NUP98: variants seen among roughly 807,000 people sequenced by gnomAD.
The protein encoded by NUP98 is nucleoporin 98 and 96 precursor.
NUP98 carries 26 observed loss-of-function variants against 191.9 expected under a neutral mutation model. The observed-to-expected ratio is 0.14, with a 90% confidence interval of 0.10 to 0.19. NUP98 has a LOEUF of 0.19. Among genes scored for constraint, NUP98 ranks in the 10% least tolerant of loss-of-function variants. The pLI is 1.00. For missense variants in NUP98, 1,941 were observed against 2,178.8 expected (o/e 0.89, Z 2.17); for synonymous variants, 808 against 778.4 (o/e 1.04, Z -0.63).
rs1323834267 is a variant in NUP98, at chr11:3,676,267, G to C, written c.5295C>G (p.Leu1765=). The C allele has an allele frequency of 6.2e-7, 1 of 1,614,200 alleles. No individual in the cohort carries two copies. Among genetic ancestry groups the C allele is most frequent in the East Asian group, 2.2e-5 (1 of 44,874 alleles). The change falls in exon 33 of 33, where the codon CTC becomes CTG. Residue 1765 remains leucine (L), a synonymous_variant. Coordinates refer to ENST00000324932, the MANE Select transcript of NUP98 (RefSeq NM_016320.5). ...GAAGCCGGCCAATGTGGGGAGCCAA[G>C]AGGCGCAAAGGGACTCGCTGAGGGT... The part of the protein sequence containing the change: ...TPDPQRVPLR[L]LAPHIGRLPM...
rs761139030 is a variant in NUP98, at chr11:3,766,548, G to A, written c.948+2033C>T. ...CTACTAAAAATACAAAATTAGCTGG[G>A]TATGGTGGTGCATGCCTGCAATCCC... On this transcript the variant is annotated intron_variant, in intron 8 of 32. Coordinates refer to ENST00000324932, the MANE Select transcript of NUP98 (RefSeq NM_016320.5). 1.9e-3 allele frequency among the ~76,000 whole-genome samples: 292 copies of A among 151,964 alleles called. 2 individuals carry two copies. The highest frequency in any genetic ancestry group is 0.01 in the Middle Eastern group (3 of 292).
chr11:3,681,612 T>A (rs966603451), intron 30 of NUP98, among the ~76,000 whole-genome samples: 4 of 122,258 alleles, frequency 3.3e-5, no homozygotes, highest in African/African-American at 7.8e-5. Context: ...TTGAAAGAAA[T>A]TTTTTTTTTT....
At position 3,720,708 on chromosome 11, in the gene NUP98, T is replaced by C; in HGVS notation, c.2260+4A>G. 6.6e-7 allele frequency: 1 copy of C among 1,508,716 alleles called. No individual in the cohort carries two copies. Among genetic ancestry groups the C allele is most frequent in the South Asian group, 1.2e-5 (1 of 86,442 alleles). 93.5% of individuals were successfully genotyped at this position (1,508,716 alleles called of 1,614,324 possible). ...TAATCACTAAGTGCTAAACTCACAC[T>C]TACCTTTCCGACCAATAGTGAAATC... On this transcript the variant is annotated splice_donor_region_variant and intron_variant, in intron 17 of 32. Transcript: ENST00000324932.
At chr11:3,732,714 C>T (rs1274385767) in intron 13 of NUP98, among the ~76,000 whole-genome samples, 1 of 152,224 alleles carries the variant, frequency 6.6e-6, no homozygotes, top group Non-Finnish European at 1.5e-5. Flanking sequence ...GGCACCTCTA[C>T]AACATCCTGA....
intron 10 of NUP98, among the ~76,000 whole-genome samples, chr11:3,753,944 CAAAT>C (rs200283473): frequency 0.013 from 1,972 of 150,182 alleles, 12 homozygotes; most frequent in Middle Eastern, 0.024. Context: ...GTCTCGAAAA[CAAAT>C]AAAAATAAAT....
At chr11:3,701,453 G>C (rs1336938714) in intron 23 of NUP98, among the ~76,000 whole-genome samples, 8 of 151,636 alleles carry the variant, frequency 5.3e-5, no homozygotes, top group Non-Finnish European at 1.0e-4. Context: ...GTAGAGACAG[G>C]GTTTTACCAT....
At chr11:3,705,378 A>C (rs1359589073) in intron 21 of NUP98, 22 bp from the exon 22 acceptor site, 1 of 1,609,898 alleles carries the variant, frequency 6.2e-7, no homozygotes, top group Non-Finnish European at 8.5e-7. Flanking sequence ...ATATCTATAG[A>C]ATGAATGTGC....
intron 28 of NUP98, among the ~76,000 whole-genome samples, chr11:3,688,412 T>A (rs1170347885): frequency 1.3e-5 from 2 of 148,554 alleles, no homozygotes; most frequent in African/African-American, 2.5e-5. Flanking sequence ...TCTCAAAAAA[T>A]AATAATAATA....
chr11:3,770,101 T>G (rs1413481165), intron 7 of NUP98, among the ~76,000 whole-genome samples: 5 of 150,414 alleles, frequency 3.3e-5, no homozygotes, highest in African/African-American at 1.2e-4. Flanking sequence ...TCCCAGCGCT[T>G]TGGGAGGCCG....
chr11:3,702,584 C>A lies in NUP98; in HGVS notation c.3391G>T (p.Gly1131Cys). Residue 1131 changes from glycine (G) to cysteine (C), a missense_variant, in exon 23 of 33, where the codon GGC (glycine) becomes TGC (cysteine). Physicochemically the swap from Gly to Cys is radical, Grantham distance 159 (BLOSUM62 -3). This residue lies in a region of NUP98 where 1,030 missense variants were observed against 1,115.8 expected (regional missense o/e 0.92). Transcript: ENST00000324932. ...FMGRSFRVGW[G>C]PNWTLANSGE... ...CTATTAGCAAGAGTCCAGTTGGGGC[C>A]CCAACCAACACGAAATGAGCGTCCC... The A allele has an allele frequency of 6.2e-7, 1 of 1,614,076 alleles. No homozygotes were observed. Among genetic ancestry groups the A allele is most frequent in the Non-Finnish European group, 8.5e-7 (1 of 1,180,022 alleles).
chr11:3,739,283 T>C (rs1359669073), intron 12 of NUP98, among the ~76,000 whole-genome samples: 1 of 152,212 alleles, frequency 6.6e-6, no homozygotes, highest in East Asian at 1.9e-4. Flanking sequence ...AGAGTCTTGC[T>C]GTGTCACTCA....
At chr11:3,684,863 T>G (rs2078093052) in intron 29 of NUP98, among the ~76,000 whole-genome samples, 1 of 147,878 alleles carries the variant, frequency 6.8e-6, no homozygotes, top group Admixed American at 6.7e-5. Flanking sequence ...TTACCCTAGG[T>G]CAAAGTGAGT....
At chr11:3,753,254 G>T in intron 11 of NUP98, 62 bp downstream of exon 11, 1 of 1,361,906 alleles carries the variant, frequency 7.3e-7, no homozygotes, top group Non-Finnish European at 1.0e-6. Flanking sequence ...GATCTCTCAA[G>T]TTCCAGAAAC....
chr11:3,746,294 A>AAAAAAAACG (rs144936005), intron 11 of NUP98, among the ~76,000 whole-genome samples: 26 of 93,086 alleles, frequency 2.8e-4, no homozygotes, highest in Non-Finnish European at 4.1e-4. Flanking sequence ...AAAAAAAAAA[A>AAAAAAAACG]GACAGCTTTG....
intron 25 of NUP98, 28 bp downstream of exon 25, chr11:3,699,054 G>A (rs779489549): frequency 5.0e-6 from 8 of 1,607,314 alleles, no homozygotes; most frequent in Admixed American, 1.7e-5. Flanking sequence ...CGACAGAGGC[G>A]CAGAGAAGGA....
intron 22 of NUP98, among the ~76,000 whole-genome samples, chr11:3,703,122 A>G (rs2078760583): frequency 6.6e-6 from 1 of 152,216 alleles, no homozygotes; most frequent in South Asian, 2.1e-4. Context: ...TACAACAATA[A>G]TAAAAGCAAC....
Position 3,797,553 on chromosome 11 carries a change from G to GCGTCACACGCCGCCCGGCGT in NUP98, c.-183_-182insACGCCGGGCGGCGTGTGACG. On this transcript the variant is annotated 5_prime_UTR_variant, in exon 1 of 33. Coordinates refer to ENST00000324932, the MANE Select transcript of NUP98 (RefSeq NM_016320.5). ...GGCGCAGCGCGCAGAGGGCCCGACT[G>GCGTCACACGCCGCCCGGCGT]CGTCACACGCCGCCCGGCGTCAGAG... is the stretch of plus-strand genomic sequence containing the variant. The GCGTCACACGCCGCCCGGCGT allele has an allele frequency of 2.1e-6, 1 of 485,724 alleles. No individual in the cohort carries two copies. The highest frequency in any genetic ancestry group is 3.6e-6 in the Non-Finnish European group (1 of 277,508). 30.1% of individuals were successfully genotyped at this position (485,724 alleles called of 1,614,324 possible). A position where few individuals can be genotyped will look rare whatever the true frequency, so the allele number is the denominator to read the frequency against.
chr11:3,772,812 CAAA>C (rs35653017), intron 6 of NUP98, among the ~76,000 whole-genome samples: 1 of 133,940 alleles, frequency 7.5e-6, no homozygotes, highest in African/African-American at 2.8e-5. Flanking sequence ...AGACTCGTCT[CAAA>C]AAAAAAAAAA....
At position 3,702,730 on chromosome 11, in the gene NUP98, C is replaced by T. The variant is rs531135821; in HGVS notation, c.3245G>A (p.Ser1082Asn). The change falls in exon 23 of 33, where the codon AGC (serine) becomes AAC (asparagine). Residue 1082 changes from serine (S) to asparagine (N), a missense_variant. Coordinates refer to ENST00000324932, the MANE Select transcript of NUP98 (RefSeq NM_016320.5). ...PPLTSVFTMP[S>N]PAPEVPLKTV... ...TTTCAACGGAACCTCAGGGGCTGGG[C>T]TGGGCATTGTGAACACAGAAGTCAG... 9.3e-6 allele frequency: 15 copies of T among 1,614,118 alleles called. No individual in the cohort carries two copies. The highest frequency in any genetic ancestry group is 1.7e-5 in the Admixed American group (1 of 60,010).
Sources: gnomAD v4.1 joint callset for allele counts (sites outside exome capture counted in the v4.1 genomes callset) on GRCh38, gnomAD v4.1.1 for gene constraint, gnomAD v4.1.1 regional missense constraint, MANE v1.5 for transcripts, NCBI Gene and HGNC (gene_info 2026-07-23, HGNC 2026-07-21) for gene names.